The following WNT7B variants were observed in gnomAD, a reference collection of about 807,000 sequenced individuals.
WNT7B encodes Wnt family member 7B, also known as protein Wnt-7b.
Under a neutral mutation model 38.2 loss-of-function variants are expected in WNT7B, and 19 were observed. The ratio of observed to expected loss-of-function variants is 0.50; its 90% CI spans 0.35 to 0.73. The LOEUF (loss-of-function observed/expected upper bound fraction) is 0.73, where lower values mean the gene tolerates loss of function less well. Ranked by LOEUF, WNT7B falls within the 30% of genes least tolerant of loss-of-function variation. The probability of loss-of-function intolerance (pLI) is 0.01; values close to 1 mark genes in which losing one functional copy is unlikely to be tolerated. For missense variants in WNT7B, 423 were observed against 507.9 expected, an observed-to-expected ratio of 0.83 and a Z score of 1.61; for synonymous variants, 243 against 209.3, an observed-to-expected ratio of 1.16 and a Z score of -1.39.
intron 2 of WNT7B, among the ~76,000 whole-genome samples, chr22:45,941,764 C>A (rs1334160285): frequency 6.6e-6 from 1 of 152,260 alleles, no homozygotes; most frequent in Non-Finnish European, 1.5e-5. Flanking sequence ...CCCCATGGAA[C>A]TGGGGCTTGT....
intron 3 of WNT7B, among the ~76,000 whole-genome samples, chr22:45,929,322 T>G (rs1931208715): frequency 6.6e-6 from 1 of 151,824 alleles, no homozygotes; most frequent in Non-Finnish European, 1.5e-5. Flanking sequence ...TGTGAGTTCC[T>G]TGGAGGCAAA....
intron 1 of WNT7B, chr22:45,972,324 C>T (rs925468310): frequency 1.1e-4 from 49 of 459,816 alleles, no homozygotes; most frequent in African/African-American, 9.2e-4. Context: ...GCGGAGCTCC[C>T]CGATGCAGGG....
Position 45,976,310 on chromosome 22 carries a change from G to C in WNT7B, c.71+374C>G, listed in dbSNP as rs1932550001. On this transcript the variant is annotated intron_variant, in intron 1 of 3. Transcript: ENST00000339464. The surrounding 1 kb of genome is among the most constrained non-coding windows in gnomAD (Gnocchi z 8.5). The stretch of plus-strand genomic sequence containing the variant: ...CCCGCCCCGGCGCACCCTCCAGGCG[G>C]CGAGCGCTCGGCCCGGGCTCGGCGC... 6.7e-6 allele frequency among the ~76,000 whole-genome samples: 1 copy of C among 149,254 alleles called. No homozygotes were observed. The highest frequency in any genetic ancestry group is 6.7e-5 in the Admixed American group (1 of 15,012).
intron 2 of WNT7B, among the ~76,000 whole-genome samples, chr22:45,931,743 T>C (rs554158518): frequency 6.0e-4 from 91 of 152,264 alleles, no homozygotes; most frequent in African/African-American, 2.1e-3. Context: ...GGTGGGGACC[T>C]GTGGAGGGGG....
At chr22:45,947,037 C>G (rs958861238) in intron 2 of WNT7B, among the ~76,000 whole-genome samples, 19 of 152,228 alleles carry the variant, frequency 1.2e-4, no homozygotes, top group Admixed American at 1.2e-3. Flanking sequence ...CCAGCCCATG[C>G]CAGGGCACCC....
At chr22:45,964,218 A>C (rs1932260780) in intron 1 of WNT7B, among the ~76,000 whole-genome samples, 1 of 151,690 alleles carries the variant, frequency 6.6e-6, no homozygotes, top group Non-Finnish European at 1.5e-5. Flanking sequence ...TCTCTCCACA[A>C]CACCAGCCTG....
intron 2 of WNT7B, among the ~76,000 whole-genome samples, chr22:45,939,510 T>C (rs1289368454): frequency 6.6e-6 from 1 of 152,104 alleles, no homozygotes; most frequent in African/African-American, 2.4e-5. Context: ...CTCAAACATA[T>C]CGGCTGGGCA....
intron 3 of WNT7B, among the ~76,000 whole-genome samples, chr22:45,928,837 T>C (rs62226028): frequency 5.9e-5 from 9 of 151,408 alleles, no homozygotes; most frequent in Admixed American, 2.0e-4. Flanking sequence ...CCGGCCATCC[T>C]GGCCCTGGTT....
At chr22:45,952,416 G>T (rs1885851352) in intron 1 of WNT7B, among the ~76,000 whole-genome samples, 1 of 152,180 alleles carries the variant, frequency 6.6e-6, no homozygotes, top group Admixed American at 6.5e-5. Flanking sequence ...GGGCACAATG[G>T]GCAGAAAAGC....
intron 1 of WNT7B, among the ~76,000 whole-genome samples, chr22:45,970,048 G>A (rs74912875): frequency 0.032 from 4,854 of 152,250 alleles, 121 homozygotes; most frequent in African/African-American, 0.052. Context: ...ACCGAATCGC[G>A]CAGGCCCTAC....
intron 1 of WNT7B, among the ~76,000 whole-genome samples, chr22:45,957,365 C>G (rs1319667460): frequency 6.6e-6 from 1 of 151,792 alleles, no homozygotes; most frequent in African/African-American, 2.4e-5. Context: ...GGAATGGAAA[C>G]TCCAGGCTTC....
intron 1 of WNT7B, among the ~76,000 whole-genome samples, chr22:45,969,305 C>G (rs1352095262): frequency 6.6e-6 from 1 of 152,232 alleles, no homozygotes. Context: ...AGGCTCCTAC[C>G]GGAAGACCTG....
intron 1 of WNT7B, among the ~76,000 whole-genome samples, chr22:45,974,793 G>C (rs993409541): frequency 6.6e-6 from 1 of 152,254 alleles, no homozygotes; most frequent in Non-Finnish European, 1.5e-5. Flanking sequence ...TGCTCACTCA[G>C]ACCTCTCTCA....
chr22:45,947,414 G>T (rs1931821638), intron 2 of WNT7B, among the ~76,000 whole-genome samples: 1 of 152,268 alleles, frequency 6.6e-6, no homozygotes, highest in Admixed American at 6.5e-5. Context: ...GAGCCCTGAG[G>T]TGTATGGGGA....
chr22:45,924,805 C>CG, intron 3 of WNT7B, among the ~76,000 whole-genome samples: 1 of 132,834 alleles, frequency 7.5e-6, no homozygotes, highest in African/African-American at 2.9e-5. Flanking sequence ...CAGGCAGGTG[C>CG]TGGGGGGCCC....
Position 45,928,479 on chromosome 22 carries a change from G to A in WNT7B, c.570+2619C>T, listed in dbSNP as rs73888711. Among the ~76,000 whole-genome samples, 486 of 152,064 alleles carry A rather than the reference G, an allele frequency of 3.2e-3. 3 individuals carry two copies. Among genetic ancestry groups the A allele is most frequent in the African/African-American group, 0.011 (459 of 41,362 alleles). On this transcript the variant is annotated intron_variant, in intron 3 of 3. Coordinates refer to ENST00000339464, the MANE Select transcript of WNT7B (RefSeq NM_058238.3). The stretch of plus-strand genomic sequence containing the variant: ...GAGGAGGTCAAGGCTCAGCAGCAGC[G>A]TGGGTCAGCCAGGGCCCCACCGGCC...
chr22:45,950,724 C>T (rs1459206572), intron 1 of WNT7B, among the ~76,000 whole-genome samples: 1 of 148,364 alleles, frequency 6.7e-6, no homozygotes, highest in African/African-American at 2.7e-5. Flanking sequence ...AGTTTCCACA[C>T]CCATGAAATG....
At chr22:45,943,301 A>C (rs1931712387) in intron 2 of WNT7B, among the ~76,000 whole-genome samples, 1 of 152,262 alleles carries the variant, frequency 6.6e-6, no homozygotes, top group Admixed American at 6.5e-5. Flanking sequence ...CGTTGTCATA[A>C]ACAGATCATT....
intron 1 of WNT7B, among the ~76,000 whole-genome samples, chr22:45,970,021 T>C (rs531278440): frequency 9.8e-5 from 15 of 152,344 alleles, no homozygotes; most frequent in South Asian, 6.2e-4. Context: ...CTTCTCACTT[T>C]GCATGCTTTC....
Sources: gnomAD v4.1 joint callset for allele counts (sites outside exome capture counted in the v4.1 genomes callset) on GRCh38, gnomAD v4.1.1 for gene constraint, Gnocchi (gnomAD v3.1) non-coding constraint, MANE v1.5 for transcripts, NCBI Gene and HGNC (gene_info 2026-07-23, HGNC 2026-07-21) for gene names.